The following BUB1B variants were observed in gnomAD, a reference collection of about 807,000 sequenced individuals.
BUB1B encodes mitotic checkpoint serine/threonine-protein kinase BUB1 beta.
BUB1B carries 86 observed loss-of-function variants against 137.7 expected under a neutral mutation model. That is an observed-to-expected ratio of 0.62 (90% CI 0.52 to 0.75). The LOEUF (loss-of-function observed/expected upper bound fraction) is 0.75. BUB1B is among the 30% of genes least tolerant of loss of function. The probability of loss-of-function intolerance (pLI) is 0.00; values close to 1 mark genes in which losing one functional copy is unlikely to be tolerated. For missense variants in BUB1B, 1,130 were observed against 1,236.9 expected (o/e 0.91, Z 1.30); for synonymous variants, 420 against 417.9 (o/e 1.00, Z -0.06).
Position 40,202,702 on chromosome 15 carries a change from GCAGTATC to G in BUB1B, c.1734+10_1734+16del. The stretch of plus-strand genomic sequence containing the variant: ...GTGTCTCCAGATGTTTGTGTAAGGA[GCAGTATC>G]CTTAAGTTAATGTAAATGGGCTAGT... On this transcript the variant is annotated intron_variant, in intron 14 of 22. Coordinates refer to ENST00000287598, the MANE Select transcript of BUB1B (RefSeq NM_001211.6). The G allele has an allele frequency of 6.3e-7, 1 of 1,599,552 alleles. No homozygotes were observed. Among genetic ancestry groups the G allele is most frequent in the African/African-American group, 1.3e-5 (1 of 74,662 alleles).
At chr15:40,170,467 G>T in intron 3 of BUB1B, 70 bp from the exon 4 acceptor site, 1 of 1,547,798 alleles carries the variant, frequency 6.5e-7, no homozygotes, top group South Asian at 1.1e-5. Context: ...AATCCAGAAT[G>T]GGTCTTGGAG....
At chr15:40,199,871 G>A (rs868733361) in intron 10 of BUB1B, 144 bp downstream of exon 10, 5 of 702,770 alleles carry the variant, frequency 7.1e-6, no homozygotes, top group African/African-American at 1.8e-5. Flanking sequence ...AAAGTTGAGC[G>A]GGAAAGTAAT....
intron 5 of BUB1B, among the ~76,000 whole-genome samples, chr15:40,182,977 A>G (rs905910074): frequency 6.6e-6 from 1 of 152,140 alleles, no homozygotes; most frequent in East Asian, 1.9e-4. Flanking sequence ...TATATGGTCT[A>G]TAGTTTTTAA....
chr15:40,165,246 G>A, intron 2 of BUB1B, 50 bp downstream of exon 2: 2 of 1,612,350 alleles, frequency 1.2e-6, no homozygotes, highest in East Asian at 2.2e-5. Context: ...CCTAAATGTT[G>A]TAGATAACGT....
chr15:40,208,683 T>G lies in BUB1B; in HGVS notation c.2056T>G (p.Ser686Ala), dbSNP rs764406982. 8 of 1,614,002 alleles carry G rather than the reference T, an allele frequency of 5.0e-6. No homozygotes were observed. In the South Asian group the frequency reaches 8.8e-5, roughly 18 times the overall value. Residue 686 changes from serine to alanine, a missense_variant, in exon 16 of 23, where the codon TCT becomes GCT. Coordinates refer to ENST00000287598, the MANE Select transcript of BUB1B (RefSeq NM_001211.6). ...SREATHSSGFSGSSASVASTS... is the reference protein window; with the variant it reads ...SREATHSSGFAGSSASVASTS... ...TGAAGCCACACACTCCTCTGGCTTC[T>G]CTGGTTCTTCTGCCTCGGTTGCAAG...
At chr15:40,205,767 A>T (rs1332191165) in intron 14 of BUB1B, among the ~76,000 whole-genome samples, 2 of 152,258 alleles carry the variant, frequency 1.3e-5, no homozygotes, top group African/African-American at 4.8e-5. Context: ...TGCATAGAAT[A>T]TGCTATGCAT....
intron 2 of BUB1B, among the ~76,000 whole-genome samples, chr15:40,167,616 C>T (rs948721525): frequency 6.6e-5 from 10 of 152,132 alleles, no homozygotes; most frequent in Non-Finnish European, 1.3e-4. Flanking sequence ...GCTGGGATTA[C>T]GGGCATGAGC....
At chr15:40,196,498 T>A in intron 8 of BUB1B, 47 bp from the exon 9 acceptor site, 1 of 1,475,526 alleles carries the variant, frequency 6.8e-7, no homozygotes. Flanking sequence ...TCTTATTGAT[T>A]TTTTTTATTT....
intron 22 of BUB1B, among the ~76,000 whole-genome samples, chr15:40,219,655 G>C (rs2037862340): frequency 6.6e-6 from 1 of 152,194 alleles, no homozygotes; most frequent in Non-Finnish European, 1.5e-5. Context: ...GGGAGGCAGA[G>C]GTTGCAGTGA....
In BUB1B at chr15:40,165,197, G is replaced by T. The variant is rs778580545; in HGVS notation, c.179+1G>T. ...ACAATACTCTTCAGCAGCAGAAACG[G>T]TGTGTAGAATGGCTGAGTCTCAACC... is the stretch of plus-strand genomic sequence containing the variant. On this transcript the variant is annotated splice_donor_variant, in intron 2 of 22. Coordinates refer to ENST00000287598, the MANE Select transcript of BUB1B (RefSeq NM_001211.6). LOFTEE classifies it high-confidence loss of function. 6.2e-7 allele frequency: 1 copy of T among 1,614,186 alleles called. No individual in the cohort carries two copies. The highest frequency in any genetic ancestry group is 1.3e-5 in the African/African-American group (1 of 75,048).
At chr15:40,176,921 AC>A (rs1445526125) in intron 5 of BUB1B, among the ~76,000 whole-genome samples, 2 of 152,000 alleles carry the variant, frequency 1.3e-5, no homozygotes, top group African/African-American at 4.8e-5. Context: ...ATAATTTCAC[AC>A]CCCCCAAAAG....
Position 40,217,500 on chromosome 15 carries a change from C to T in BUB1B, c.2683C>T (p.His895Tyr). The T allele has an allele frequency of 1.2e-6, 2 of 1,613,908 alleles. No individual in the cohort carries two copies. Among genetic ancestry groups the T allele is most frequent in the Non-Finnish European group, 1.7e-6 (2 of 1,179,946 alleles). ...TTCTCTTAAATCTGGGCTCAGAATC[C>T]ACGATCCCTATGATTGTAACAAGAA... ...PRCLILRNRI[H>Y]DPYDCNKNNQ... Residue 895 changes from histidine (H) to tyrosine (Y), a missense_variant, in exon 21 of 23, where the codon CAC (histidine) becomes TAC (tyrosine). His to Tyr is a moderately conservative substitution (Grantham distance 83, BLOSUM62 2). Transcript: ENST00000287598.
chr15:40,212,664 A>G lies in BUB1B; in HGVS notation c.2535+16A>G, dbSNP rs777426066. On this transcript the variant is annotated intron_variant, in intron 19 of 22. Coordinates refer to ENST00000287598, the MANE Select transcript of BUB1B (RefSeq NM_001211.6). ...CACCCTTCAGGTCTGTAATACTAAAAACATAATTTAAAGTCCTGAAGTAGA... is the reference window on the plus strand; with the variant it reads ...CACCCTTCAGGTCTGTAATACTAAAGACATAATTTAAAGTCCTGAAGTAGA... 2.1e-5 allele frequency: 34 copies of G among 1,609,202 alleles called. No individual in the cohort carries two copies. Among genetic ancestry groups the G allele is most frequent in the Non-Finnish European group, 2.7e-5 (32 of 1,177,394 alleles).
At chr15:40,202,221 C>T (rs140785524) in intron 12 of BUB1B, among the ~76,000 whole-genome samples, 184 bp from the exon 13 acceptor site, 47 of 152,194 alleles carry the variant, frequency 3.1e-4, no homozygotes, top group African/African-American at 1.1e-3. Flanking sequence ...GGAACAAGAT[C>T]ATCTAAGTTT....
chr15:40,186,218 A>AT (rs912657933), intron 8 of BUB1B, among the ~76,000 whole-genome samples: 5 of 152,190 alleles, frequency 3.3e-5, no homozygotes, highest in African/African-American at 1.2e-4. Flanking sequence ...GGAAAAGATA[A>AT]TGTGATTTAA....
At chr15:40,182,072 TG>T (rs1004890730) in intron 5 of BUB1B, among the ~76,000 whole-genome samples, 12 of 152,300 alleles carry the variant, frequency 7.9e-5, no homozygotes, top group Admixed American at 7.8e-4. Flanking sequence ...TGCATGGTTG[TG>T]GGTGCCTGCA....
Position 40,209,726 on chromosome 15 carries a change from A to G in BUB1B, c.2235A>G (p.Ile745Met), listed in dbSNP as rs753711342. Residue 745 changes from isoleucine (I) to methionine (M), a missense_variant, in exon 17 of 23, where the codon ATA becomes ATG. By Grantham distance (10) the Ile-to-Met change is conservative. Coordinates refer to ENST00000287598, the MANE Select transcript of BUB1B (RefSeq NM_001211.6). ...PELSASAELC[I>M]EDRPMPKLEI... Reference sequence around the variant, plus strand: ...TAAGTGCCTCTGCAGAGTTGTGTATAGAAGACAGACCAATGCCTAAGTTGG... The same window carrying G: ...TAAGTGCCTCTGCAGAGTTGTGTATGGAAGACAGACCAATGCCTAAGTTGG... The G allele has an allele frequency of 6.2e-6, 10 of 1,614,084 alleles. No homozygotes were observed. Among genetic ancestry groups the G allele is most frequent in the South Asian group, 1.1e-5 (1 of 91,084 alleles).
intron 4 of BUB1B, among the ~76,000 whole-genome samples, chr15:40,175,508 TATAAG>T (rs1166787948): frequency 6.6e-6 from 1 of 152,196 alleles, no homozygotes; most frequent in Admixed American, 6.5e-5. Flanking sequence ...ATCAAAACTT[TATAAG>T]ATAATACATA....
chr15:40,193,471 T>A (rs1398452724), intron 8 of BUB1B, among the ~76,000 whole-genome samples: 1 of 135,304 alleles, frequency 7.4e-6, no homozygotes, highest in Non-Finnish European at 1.5e-5. Context: ...ATTACCACTT[T>A]TTTTTTTTTT....
Sources: allele counts gnomAD v4.1 joint callset (sites outside exome capture counted in the v4.1 genomes callset), GRCh38; gene constraint gnomAD v4.1.1; transcripts MANE v1.5; gene names NCBI Gene and HGNC (gene_info 2026-07-23, HGNC 2026-07-21).